ADAM17: variants seen among roughly 807,000 people sequenced by gnomAD.
ADAM17 encodes ADAM metallopeptidase domain 17.
ADAM17 carries 39 observed loss-of-function variants against 96.7 expected under a neutral mutation model. The ratio of observed to expected loss-of-function variants is 0.40; its 90% CI spans 0.31 to 0.53. The LOEUF is 0.53. Ranked by LOEUF, ADAM17 falls within the 20% of genes least tolerant of loss-of-function variation. ADAM17 has a pLI of 0.44. For synonymous variants in ADAM17, 344 were observed against 359.2 expected, an observed-to-expected ratio of 0.96 and a Z score of 0.48; for missense variants, 777 against 1,013.2, an observed-to-expected ratio of 0.77 and a Z score of 3.17.
chr2:9,547,548 C>A (rs1035682289), intron 1 of ADAM17, among the ~76,000 whole-genome samples: 2 of 152,104 alleles, frequency 1.3e-5, no homozygotes, highest in Admixed American at 1.3e-4. Context: ...GGCCTTAGGT[C>A]AAGGGCATAA....
At chr2:9,528,510 C>A (rs1045505031) in intron 4 of ADAM17, among the ~76,000 whole-genome samples, 1 of 152,162 alleles carries the variant, frequency 6.6e-6, no homozygotes, top group East Asian at 1.9e-4. Context: ...TTTCAGCGAA[C>A]GCAGTTTTTA....
At chr2:9,549,742 CT>C (rs1404842676) in intron 1 of ADAM17, among the ~76,000 whole-genome samples, 1 of 152,178 alleles carries the variant, frequency 6.6e-6, no homozygotes, top group East Asian at 1.9e-4. Context: ...TGGTCTCAAA[CT>C]CCTGGGCTCA....
At chr2:9,512,155 A>T (rs916716261) in intron 10 of ADAM17, among the ~76,000 whole-genome samples, 1 of 152,144 alleles carries the variant, frequency 6.6e-6, no homozygotes, top group Admixed American at 6.6e-5. Flanking sequence ...GGGAAAAAAA[A>T]CTTAAATTTT....
intron 1 of ADAM17, among the ~76,000 whole-genome samples, chr2:9,547,424 C>A (rs892237778): frequency 1.3e-5 from 2 of 152,104 alleles, no homozygotes; most frequent in African/African-American, 4.8e-5. Flanking sequence ...AAGTTATGCA[C>A]AGACACAGCA....
Position 9,539,980 on chromosome 2 carries a change from A to G in ADAM17, c.231-3152T>C, listed in dbSNP as rs114890809. On this transcript the variant is annotated intron_variant, in intron 2 of 18. Coordinates refer to ENST00000310823, the MANE Select transcript of ADAM17 (RefSeq NM_003183.6). ...ATTTCCCATTAAATATTTAGTATGG[A>G]AACTTTGTAAAATAAATTACATACT... Among the ~76,000 whole-genome samples the G allele has an allele frequency of 7.5e-3, 1,136 of 152,272 alleles. 9 individuals are homozygous for G. Among genetic ancestry groups the G allele is most frequent in the African/African-American group, 0.026 (1,090 of 41,552 alleles).
chr2:9,503,727 A>G (rs1663173698), intron 12 of ADAM17, among the ~76,000 whole-genome samples: 1 of 151,846 alleles, frequency 6.6e-6, no homozygotes, highest in African/African-American at 2.4e-5. Flanking sequence ...AATCCCAGCT[A>G]CTGGGGAGGC....
intron 15 of ADAM17, 31 bp from the exon 16 acceptor site, chr2:9,493,856 T>A (rs371349081): frequency 9.6e-6 from 15 of 1,559,448 alleles, no homozygotes; most frequent in African/African-American, 2.7e-5. Context: ...TACAGCATCA[T>A]TCCCAAACAC....
chr2:9,523,193 A>G, intron 7 of ADAM17, 56 bp downstream of exon 7: 2 of 1,341,836 alleles, frequency 1.5e-6, no homozygotes, highest in Non-Finnish European at 2.1e-6. Context: ...AATACAAGTG[A>G]CAAATATTTA....
chr2:9,497,657 A>G (rs1233919407), intron 13 of ADAM17, among the ~76,000 whole-genome samples: 2 of 152,212 alleles, frequency 1.3e-5, no homozygotes, highest in Non-Finnish European at 2.9e-5. Context: ...TGCTTTGGCT[A>G]TGACAACCTC....
At chr2:9,524,918 A>G (rs976854878) in intron 6 of ADAM17, among the ~76,000 whole-genome samples, 2 of 152,220 alleles carry the variant, frequency 1.3e-5, no homozygotes, top group African/African-American at 4.8e-5. Context: ...GGTTTGTTCT[A>G]GCAACTGTGA....
At chr2:9,492,675 T>C (rs1662255909) in intron 17 of ADAM17, among the ~76,000 whole-genome samples, 1 of 152,190 alleles carries the variant, frequency 6.6e-6, no homozygotes. Context: ...CTAAGAAATT[T>C]ATATATTAAA....
chr2:9,497,331 A>G (rs1420658726), intron 13 of ADAM17, 83 bp from the exon 14 acceptor site: 1 of 1,554,706 alleles, frequency 6.4e-7, no homozygotes, highest in African/African-American at 1.4e-5. Context: ...TGTTTCTCAT[A>G]CAAGTGAGCA....
At chr2:9,521,467 C>A in intron 7 of ADAM17, 151 bp from the exon 8 acceptor site, 1 of 424,168 alleles carries the variant, frequency 2.4e-6, no homozygotes. Flanking sequence ...TACCAATATT[C>A]AATGTTTGAA....
intron 11 of ADAM17, among the ~76,000 whole-genome samples, chr2:9,509,483 GAGATAGAGCTATGAATA>G (rs36112517): frequency 3.9e-5 from 6 of 152,130 alleles, no homozygotes; most frequent in Admixed American, 2.0e-4. Flanking sequence ...CTAGGCACTG[GAGATAGAGCTATGAATA>G]AGATAGAGCT....
At chr2:9,529,288 A>G (rs1664647183) in intron 4 of ADAM17, among the ~76,000 whole-genome samples, 1 of 151,938 alleles carries the variant, frequency 6.6e-6, no homozygotes. Flanking sequence ...CGACTCTAGT[A>G]AAAAATACAA....
intron 12 of ADAM17, among the ~76,000 whole-genome samples, chr2:9,503,249 C>A (rs142147982): frequency 6.6e-6 from 1 of 151,820 alleles, no homozygotes; most frequent in Admixed American, 6.6e-5. Flanking sequence ...GTATTTACAG[C>A]GTTAATATGC....
At position 9,493,752 on chromosome 2, in the gene ADAM17, G is replaced by A; in HGVS notation, c.1988C>T (p.Thr663Ile). The change falls in exon 16 of 19, where the codon ACT (threonine) becomes ATT (isoleucine). Residue 663 changes from threonine to isoleucine, a missense_variant. Around this residue, in one of 3 missense-constraint regions of ADAM17, gnomAD observed 197 missense variants for 219.4 expected, o/e 0.90. Coordinates refer to ENST00000310823, the MANE Select transcript of ADAM17 (RefSeq NM_003183.6). ...WDFIDQLSIN[T>I]FGKFLADNIV... is the part of the protein sequence containing the mutation. ...AATCTGGGGAAATCACCTACCAAAAGTATTGATGCTCAGCTGGTCAATGAA... is the reference window on the plus strand; with the variant it reads ...AATCTGGGGAAATCACCTACCAAAAATATTGATGCTCAGCTGGTCAATGAA... 1.9e-6 allele frequency: 3 copies of A among 1,613,420 alleles called. No homozygotes were observed. The highest frequency in any genetic ancestry group is 2.5e-6 in the Non-Finnish European group (3 of 1,179,514).
Position 9,492,937 on chromosome 2 carries a change from C to T in ADAM17, c.2043G>A (p.Leu681=), listed in dbSNP as rs910439656. 11 of 1,612,926 alleles carry T rather than the reference C, an allele frequency of 6.8e-6. No homozygotes were observed. The highest frequency in any genetic ancestry group is 9.3e-6 in the Non-Finnish European group (11 of 1,179,352). The change falls in exon 17 of 19, where the codon TTG becomes TTA. Residue 681 remains leucine, a synonymous_variant. Coordinates refer to ENST00000310823, the MANE Select transcript of ADAM17 (RefSeq NM_003183.6). The part of the protein sequence containing the change: ...NIVGSVLVFS[L]IFWIPFSILV... ...GAATGCTGAAAGGAATCCAAAATAT[C>T]AAGGAGAAAACCAGGACAGACCCAA...
In ADAM17 at chr2:9,547,482, C is replaced by T. The variant is rs114629979; in HGVS notation, c.98-4197G>A. On this transcript the variant is annotated intron_variant, in intron 1 of 18. Transcript: ENST00000310823. ...AGTCAAAGATGTTTTCCCAGGGAAA[C>T]GGTTTTGAAGACCAGAAGGATGAGG... is the stretch of plus-strand genomic sequence containing the variant. 3.8e-3 allele frequency among the ~76,000 whole-genome samples: 584 copies of T among 152,218 alleles called. 3 individuals carry two copies. The highest frequency in any genetic ancestry group is 6.5e-3 in the Non-Finnish European group (439 of 68,022).
Sources: allele counts gnomAD v4.1 joint callset (sites outside exome capture counted in the v4.1 genomes callset), GRCh38; gene constraint gnomAD v4.1.1; regional missense constraint gnomAD v4.1.1; transcripts MANE v1.5; gene names NCBI Gene and HGNC (gene_info 2026-07-23, HGNC 2026-07-21).